HSD17B2: variants seen among roughly 807,000 people sequenced by gnomAD.
HSD17B2 encodes the protein 17-beta-hydroxysteroid dehydrogenase type 2.
A neutral mutation model predicts 26.9 loss-of-function variants in HSD17B2; 32 were observed. That is an observed-to-expected ratio of 1.19 (90% CI 0.90 to 1.60). The LOEUF is 1.60. HSD17B2 is among the 40% of genes most tolerant of loss of function. HSD17B2 has a pLI of 0.00. For missense variants in HSD17B2, 613 were observed against 468.6 expected, an observed-to-expected ratio of 1.31 and a Z score of -2.85; for synonymous variants, 246 against 186.7, an observed-to-expected ratio of 1.32 and a Z score of -2.59.
intron 1 of HSD17B2, among the ~76,000 whole-genome samples, chr16:82,038,176 T>C (rs1913669754): frequency 1.3e-5 from 2 of 152,220 alleles, no homozygotes; most frequent in Admixed American, 1.3e-4. Context: ...TTGAGCCCTT[T>C]ATTTCATTTT....
intron 1 of HSD17B2, among the ~76,000 whole-genome samples, chr16:82,046,880 C>G (rs943102139): frequency 6.6e-6 from 1 of 152,140 alleles, no homozygotes; most frequent in South Asian, 2.1e-4. Flanking sequence ...AAGTAATTGG[C>G]AGTGCTGGAA....
At chr16:82,060,728 C>T (rs147455354) in intron 1 of HSD17B2, among the ~76,000 whole-genome samples, 4 of 152,232 alleles carry the variant, frequency 2.6e-5, no homozygotes, top group South Asian at 2.1e-4. Flanking sequence ...ATACCAACCC[C>T]GTAAGCACCT....
intron 3 of HSD17B2, among the ~76,000 whole-genome samples, chr16:82,084,452 T>C (rs540715435): frequency 1.3e-5 from 2 of 152,246 alleles, no homozygotes; most frequent in South Asian, 4.2e-4. Context: ...TTTGAGTGCT[T>C]AGCACAGTTA....
intron 1 of HSD17B2, chr16:82,044,385 G>C (rs1913854803): frequency 6.6e-6 from 1 of 152,196 alleles, no homozygotes; most frequent in Non-Finnish European, 1.5e-5. Flanking sequence ...ACGGGTCTTA[G>C]GCATGTGGTA....
In HSD17B2 at chr16:82,091,103, G is replaced by C. The variant is rs375182187; in HGVS notation, c.802+64G>C. On this transcript the variant is annotated intron_variant, in intron 4 of 4. Coordinates refer to ENST00000199936, the MANE Select transcript of HSD17B2 (RefSeq NM_002153.3). The stretch of plus-strand genomic sequence containing the variant: ...GGAAGGAACCCCGAAGGTCCTCTTG[G>C]TCTGACAGAGCACACATTGAACCCC... 3.4e-6 allele frequency: 5 copies of C among 1,487,458 alleles called. No individual in the cohort carries two copies. In the African/African-American group the frequency reaches 6.9e-5, roughly 21 times the overall value. The allele number at this position is 1,487,458 out of a possible 1,614,324, so 92.1% of individuals were successfully genotyped here.
At chr16:82,082,709 C>T (rs1270710498) in intron 3 of HSD17B2, among the ~76,000 whole-genome samples, 1 of 152,172 alleles carries the variant, frequency 6.6e-6, no homozygotes, top group Non-Finnish European at 1.5e-5. Context: ...ACATTCAGAG[C>T]TGATGTTAAA....
intron 3 of HSD17B2, among the ~76,000 whole-genome samples, chr16:82,085,911 A>G (rs993404206): frequency 6.6e-6 from 1 of 152,118 alleles, no homozygotes. Context: ...GCCGTAATGA[A>G]AAACCACCAT....
chr16:82,038,640 T>C (rs1913684988), intron 1 of HSD17B2, among the ~76,000 whole-genome samples: 1 of 152,226 alleles, frequency 6.6e-6, no homozygotes, highest in Non-Finnish European at 1.5e-5. Flanking sequence ...GGGAAAAAAC[T>C]TTGAAGACAC....
chr16:82,058,519 A>G (rs1388802808), intron 1 of HSD17B2, among the ~76,000 whole-genome samples: 3 of 152,232 alleles, frequency 2.0e-5, no homozygotes, highest in Admixed American at 2.0e-4. Flanking sequence ...TTGCAAGCAT[A>G]AAGTGAGATA....
chr16:82,067,844 C>A (rs8191133), intron 1 of HSD17B2, among the ~76,000 whole-genome samples: 1 of 152,218 alleles, frequency 6.6e-6, no homozygotes, highest in East Asian at 1.9e-4. Flanking sequence ...AAGCTACTTC[C>A]ATTGGATGCC....
At chr16:82,092,075 G>A (rs982178191) in intron 4 of HSD17B2, 5 of 152,136 alleles carry the variant, frequency 3.3e-5, no homozygotes, top group African/African-American at 1.2e-4. Flanking sequence ...GTTTAACAAT[G>A]TATAATCCAT....
chr16:82,084,926 G>C (rs1559429), intron 3 of HSD17B2, among the ~76,000 whole-genome samples: 83,601 of 151,990 alleles, frequency 0.55, 23,256 homozygotes, highest in Middle Eastern at 0.68. Context: ...GTCTCACTTT[G>C]TTGCCTAGGA....
intron 4 of HSD17B2, 35 bp from the exon 5 acceptor site, chr16:82,098,040 C>T: frequency 6.3e-7 from 1 of 1,578,962 alleles, no homozygotes; most frequent in South Asian, 1.2e-5. Flanking sequence ...CTTGGCCTTC[C>T]CAGGATCTGA....
intron 3 of HSD17B2, among the ~76,000 whole-genome samples, chr16:82,084,836 G>A (rs1981878): frequency 1.3e-5 from 2 of 151,994 alleles, no homozygotes; most frequent in Non-Finnish European, 2.9e-5. Flanking sequence ...GGGCTCAAGC[G>A]ATCCTCCCAC....
At chr16:82,040,492 T>C (rs1913737841) in intron 1 of HSD17B2, among the ~76,000 whole-genome samples, 1 of 152,232 alleles carries the variant, frequency 6.6e-6, no homozygotes, top group South Asian at 2.1e-4. Context: ...CCAGATCAGA[T>C]CCATCTCTCA....
chr16:82,057,978 T>C (rs770167328), intron 1 of HSD17B2, among the ~76,000 whole-genome samples: 35 of 151,872 alleles, frequency 2.3e-4, no homozygotes, highest in African/African-American at 8.0e-4. Flanking sequence ...GAATAAAGTA[T>C]AGAATTTAGT....
intron 1 of HSD17B2, among the ~76,000 whole-genome samples, chr16:82,056,167 T>C (rs1914260675): frequency 6.6e-6 from 1 of 152,228 alleles, no homozygotes; most frequent in South Asian, 2.1e-4. Context: ...CCAGGAAGCA[T>C]CTTTCCCATG....
intron 3 of HSD17B2, among the ~76,000 whole-genome samples, chr16:82,084,446 AG>A (rs1288859697): frequency 1.3e-5 from 2 of 152,278 alleles, no homozygotes; most frequent in African/African-American, 4.8e-5. Context: ...ATGGGTTTTG[AG>A]TGCTTAGCAC....
At chr16:82,091,157 G>A in intron 4 of HSD17B2, 118 bp downstream of exon 4, 1 of 1,034,770 alleles carries the variant, frequency 9.7e-7, no homozygotes, top group Non-Finnish European at 1.5e-6. Context: ...AGCACAGCCA[G>A]AGATCAGTTA....
Sources: gnomAD v4.1 joint callset for allele counts (sites outside exome capture counted in the v4.1 genomes callset) on GRCh38, gnomAD v4.1.1 for gene constraint, MANE v1.5 for transcripts, NCBI Gene and HGNC (gene_info 2026-07-23, HGNC 2026-07-21) for gene names.